ZNF804B: variants seen among roughly 807,000 people sequenced by gnomAD.
ZNF804B encodes the protein zinc finger protein 804B.
In ZNF804B, 80 loss-of-function variants were observed where a neutral mutation model predicts 101.4. The ratio of observed to expected loss-of-function variants is 0.79; its 90% CI spans 0.66 to 0.95. The LOEUF (loss-of-function observed/expected upper bound fraction) is 0.95. Ranked by LOEUF, ZNF804B falls within the 40% of genes least tolerant of loss-of-function variation. The pLI is 0.00. For synonymous variants in ZNF804B, 622 were observed against 558.8 expected (o/e 1.11, Z -1.59); for missense variants, 1,673 against 1,561.9 (o/e 1.07, Z -1.20).
Position 89,019,055 on chromosome 7 carries a change from C to A in ZNF804B, c.109-199100C>A, listed in dbSNP as rs1455387575. ...TTGCTTTATTCTTGCTTTTCTAGTT[C>A]TTTAGGGAGCATTGTTAGTTTGTTT... On this transcript the variant is annotated intron_variant, in intron 1 of 3. Coordinates refer to ENST00000333190, the MANE Select transcript of ZNF804B (RefSeq NM_181646.5). 3.3e-5 allele frequency among the ~76,000 whole-genome samples: 5 copies of A among 151,992 alleles called. No homozygotes were observed. The East Asian group carries it at 9.7e-4, about 29-fold the overall frequency.
At chr7:88,881,084 T>C (rs563100806) in intron 1 of ZNF804B, among the ~76,000 whole-genome samples, 1 of 152,162 alleles carries the variant, frequency 6.6e-6, no homozygotes, top group East Asian at 1.9e-4. Context: ...AAATGAATAA[T>C]ATGTCTTCAT....
chr7:88,939,429 C>T (rs1288958636), intron 1 of ZNF804B, among the ~76,000 whole-genome samples: 1 of 151,670 alleles, frequency 6.6e-6, no homozygotes, highest in Non-Finnish European at 1.5e-5. Context: ...ATATGGAGGG[C>T]CAACTGTATG....
chr7:88,769,509 A>G (rs1013129281), intron 1 of ZNF804B, among the ~76,000 whole-genome samples: 1 of 152,194 alleles, frequency 6.6e-6, no homozygotes, highest in East Asian at 1.9e-4. Context: ...GTATATATAA[A>G]TTGGTGTAAT....
intron 1 of ZNF804B, among the ~76,000 whole-genome samples, chr7:89,176,700 G>A (rs1327405089): frequency 6.8e-6 from 1 of 147,784 alleles, no homozygotes; most frequent in Non-Finnish European, 1.5e-5. Context: ...TTTTGGAATA[G>A]TTTGAGTAGG....
At chr7:89,063,858 C>T (rs1212522661) in intron 1 of ZNF804B, among the ~76,000 whole-genome samples, 1 of 152,082 alleles carries the variant, frequency 6.6e-6, no homozygotes, top group Non-Finnish European at 1.5e-5. Context: ...CTAGGACTGT[C>T]CTCGGTGTTG....
intron 2 of ZNF804B, among the ~76,000 whole-genome samples, chr7:89,304,567 A>G (rs1790532990): frequency 6.8e-6 from 1 of 148,100 alleles, no homozygotes; most frequent in Non-Finnish European, 1.5e-5. Context: ...CTGTGTAGAC[A>G]TAAGAAAATT....
At chr7:89,214,168 G>A (rs573995423) in intron 1 of ZNF804B, among the ~76,000 whole-genome samples, 1 of 152,070 alleles carries the variant, frequency 6.6e-6, no homozygotes, top group Non-Finnish European at 1.5e-5. Context: ...ATTACCGAAT[G>A]TTTTAAAAAT....
At chr7:89,212,513 C>A (rs1788821190) in intron 1 of ZNF804B, among the ~76,000 whole-genome samples, 1 of 152,060 alleles carries the variant, frequency 6.6e-6, no homozygotes, top group East Asian at 1.9e-4. Flanking sequence ...AGACTTCAGG[C>A]TTAAATATCA....
At chr7:89,237,117 T>C (rs1018448931) in intron 2 of ZNF804B, among the ~76,000 whole-genome samples, 2 of 152,032 alleles carry the variant, frequency 1.3e-5, no homozygotes, top group Admixed American at 6.6e-5. Context: ...GAAAAAAAAA[T>C]TGTGAAGAAA....
chr7:89,149,208 A>G (rs1234286904), intron 1 of ZNF804B, among the ~76,000 whole-genome samples: 1 of 152,088 alleles, frequency 6.6e-6, no homozygotes, highest in Non-Finnish European at 1.5e-5. Context: ...CCCTTTCAGT[A>G]TTTTAAATCA....
At chr7:89,063,482 T>A (rs2116285241) in intron 1 of ZNF804B, among the ~76,000 whole-genome samples, 1 of 152,260 alleles carries the variant, frequency 6.6e-6, no homozygotes, top group South Asian at 2.1e-4. Flanking sequence ...CTGTTGGGTA[T>A]CATGCTATGC....
At chr7:88,884,383 T>C (rs771811479) in intron 1 of ZNF804B, among the ~76,000 whole-genome samples, 1 of 151,828 alleles carries the variant, frequency 6.6e-6, no homozygotes, top group Non-Finnish European at 1.5e-5. Context: ...CTGACTTACA[T>C]TGGTTATCTT....
chr7:88,771,977 G>T (rs1005430929), intron 1 of ZNF804B, among the ~76,000 whole-genome samples: 3 of 152,016 alleles, frequency 2.0e-5, no homozygotes, highest in Admixed American at 1.3e-4. Context: ...TACTACAAAA[G>T]TTGTTATACT....
chr7:89,273,573 C>A (rs1045387413), intron 2 of ZNF804B, among the ~76,000 whole-genome samples: 2 of 152,046 alleles, frequency 1.3e-5, no homozygotes, highest in Admixed American at 6.6e-5. Context: ...TAATATTTTC[C>A]ATTTGCAAAG....
chr7:89,234,133 C>G (rs935630220), intron 2 of ZNF804B, among the ~76,000 whole-genome samples: 1 of 151,998 alleles, frequency 6.6e-6, no homozygotes, highest in African/African-American at 2.4e-5. Context: ...ACTTATAATC[C>G]AAGATAAGCC....
Position 89,335,503 on chromosome 7 carries a change from A to C in ZNF804B, c.2521A>C (p.Lys841Gln), listed in dbSNP as rs766968477. ...ACAGATTTCCTGTACTGGAAGCAGT[A>C]AAAAACCACCTAATTGCCAGGGAAC... ...NSQISCTGSS[K>Q]KPPNCQGTQH... The change falls in exon 4 of 4, where the codon AAA becomes CAA. Residue 841 changes from lysine (K) to glutamine (Q), a missense_variant. By Grantham distance (53) the Lys-to-Gln change is moderately conservative. Transcript: ENST00000333190. The C allele has an allele frequency of 6.2e-7, 1 of 1,613,954 alleles. No individual in the cohort carries two copies. The highest frequency in any genetic ancestry group is 8.5e-7 in the Non-Finnish European group (1 of 1,179,938).
chr7:89,335,084 C>T lies in ZNF804B; in HGVS notation c.2102C>T (p.Pro701Leu). 1 of 1,613,828 alleles carries T rather than the reference C, an allele frequency of 6.2e-7. No individual in the cohort carries two copies. The highest frequency in any genetic ancestry group is 8.5e-7 in the Non-Finnish European group (1 of 1,179,912). ...CGNQRYKRYS[P>L]QSCLSRYSSS... ...AACCAAAGATACAAGAGATACTCTC[C>T]ACAGTCATGTTTGAGTAGATATTCT... Residue 701 changes from proline to leucine, a missense_variant, in exon 4 of 4, where the codon CCA becomes CTA. By Grantham distance (98) the Pro-to-Leu change is moderately conservative. Coordinates refer to ENST00000333190, the MANE Select transcript of ZNF804B (RefSeq NM_181646.5).
intron 1 of ZNF804B, among the ~76,000 whole-genome samples, chr7:88,883,729 AT>A (rs1244353929): frequency 6.6e-6 from 1 of 152,092 alleles, no homozygotes; most frequent in Non-Finnish European, 1.5e-5. Context: ...AGGAATCCGT[AT>A]TTTAAAAATC....
chr7:88,948,657 G>T (rs1300071956), intron 1 of ZNF804B, among the ~76,000 whole-genome samples: 1 of 151,822 alleles, frequency 6.6e-6, no homozygotes, highest in Non-Finnish European at 1.5e-5. Context: ...TTGAGCATTA[G>T]CTGGTGTCTA....
Sources: allele counts gnomAD v4.1 joint callset (sites outside exome capture counted in the v4.1 genomes callset), GRCh38; gene constraint gnomAD v4.1.1; transcripts MANE v1.5; gene names NCBI Gene and HGNC (gene_info 2026-07-23, HGNC 2026-07-21).